USP6NL: variants seen among roughly 807,000 people sequenced by gnomAD.
USP6NL encodes the protein USP6 N-terminal-like protein.
Under a neutral mutation model 61.9 loss-of-function variants are expected in USP6NL, and 26 were observed. The observed-to-expected ratio is 0.42, with a 90% CI of 0.31 to 0.58. The LOEUF is 0.58. USP6NL is among the 20% of genes least tolerant of loss of function. The probability of loss-of-function intolerance (pLI) is 0.16; values close to 1 mark genes in which losing one functional copy is unlikely to be tolerated. For synonymous variants in USP6NL, 432 were observed against 390.1 expected, an observed-to-expected ratio of 1.11 and a Z score of -1.27; for missense variants, 1,114 against 1,034.3, an observed-to-expected ratio of 1.08 and a Z score of -1.06.
chr10:11,535,458 C>T (rs978554073), intron 2 of USP6NL, among the ~76,000 whole-genome samples: 1 of 152,110 alleles, frequency 6.6e-6, no homozygotes, highest in Admixed American at 6.6e-5. Flanking sequence ...GCAATGATGA[C>T]CAAAGGCAAG....
In USP6NL at chr10:11,562,444, C is replaced by A. The variant is rs745896709; in HGVS notation, c.5-34877G>T. The A allele has an allele frequency of 1.4e-4, 138 of 985,202 alleles. No individual in the cohort carries two copies. Among genetic ancestry groups the A allele is most frequent in the Non-Finnish European group, 1.6e-4 (136 of 829,928 alleles). The allele number at this position is 985,202 out of a possible 1,614,324, so 61.0% of individuals were successfully genotyped here. ...GCTCTTGGACCTAAGGATGAAGACG[C>A]AGCAGTCATCACGTATCTCTGAGGA... On this transcript the variant is annotated intron_variant, in intron 2 of 14. Transcript: ENST00000609104. This position sits in a 1 kb window ranked among gnomAD's most constrained non-coding sequence, Gnocchi z 4.8.
At position 11,489,544 on chromosome 10, in the gene USP6NL, T is replaced by C. The variant is rs1245156720; in HGVS notation, c.544-322A>G. On this transcript the variant is annotated intron_variant, in intron 9 of 14. Transcript: ENST00000609104. This position sits in a 1 kb window ranked among gnomAD's most constrained non-coding sequence, Gnocchi z 5.7. ...GATTCTTAGCTCACTATTCCTCTTC[T>C]TTGCTCAGTTGCTGGCAAAGTCTCC... Among the ~76,000 whole-genome samples the C allele has an allele frequency of 6.6e-6, 1 of 152,232 alleles. No individual in the cohort carries two copies. The highest frequency in any genetic ancestry group is 6.5e-5 in the Admixed American group (1 of 15,288).
At chr10:11,536,098 T>C (rs752856554) in intron 2 of USP6NL, among the ~76,000 whole-genome samples, 4 of 152,230 alleles carry the variant, frequency 2.6e-5, no homozygotes, top group Non-Finnish European at 4.4e-5. Context: ...TTATTTTGAC[T>C]GGTCACTCTG....
At chr10:11,466,750 C>T (rs1303969746) in intron 14 of USP6NL, among the ~76,000 whole-genome samples, 1 of 152,166 alleles carries the variant, frequency 6.6e-6, no homozygotes, top group East Asian at 1.9e-4. Context: ...GCCTACTGCA[C>T]ACCGAGGCTC....
intron 1 of USP6NL, among the ~76,000 whole-genome samples, chr10:11,604,949 A>G (rs1371517556): frequency 6.6e-6 from 1 of 152,222 alleles, no homozygotes; most frequent in Admixed American, 6.5e-5. Context: ...GTGAAACTGC[A>G]GATAAGGAGG....
rs535243148 is a variant in USP6NL at position 11,595,512 on chromosome 10, G to C, written c.4+2119C>G. Among the ~76,000 whole-genome samples the C allele has an allele frequency of 1.3e-5, 2 of 152,162 alleles. No individual in the cohort carries two copies. The highest frequency in any genetic ancestry group is 2.9e-5 in the Non-Finnish European group (2 of 68,030). On this transcript the variant is annotated intron_variant, in intron 2 of 14. Coordinates refer to ENST00000609104, the MANE Select transcript of USP6NL (RefSeq NM_014688.5). The surrounding 1 kb of genome is among the most constrained non-coding windows in gnomAD (Gnocchi z 5.3). ...CCTAATGCCAGCTGACTCAGTGACTGAATCTGTGATGTTCTCAACGTCACC... is the reference window on the plus strand; with the variant it reads ...CCTAATGCCAGCTGACTCAGTGACTCAATCTGTGATGTTCTCAACGTCACC...
At chr10:11,488,217 G>A (rs1399986664) in intron 10 of USP6NL, among the ~76,000 whole-genome samples, 2 of 152,180 alleles carry the variant, frequency 1.3e-5, no homozygotes, top group South Asian at 2.1e-4. Context: ...ACTGAGACCA[G>A]CCTACTCAAC....
At position 11,562,490 on chromosome 10, in the gene USP6NL, G is replaced by T; in HGVS notation, c.5-34923C>A. 1 of 985,406 alleles carries T rather than the reference G, an allele frequency of 1.0e-6. No homozygotes were observed. Among genetic ancestry groups the T allele is most frequent in the Non-Finnish European group, 1.2e-6 (1 of 829,930 alleles). The allele number at this position is 985,406 out of a possible 1,614,324, so 61.0% of individuals were successfully genotyped here. A position where few individuals can be genotyped will look rare whatever the true frequency, so the allele number is the denominator to read the frequency against. On this transcript the variant is annotated intron_variant, in intron 2 of 14. Coordinates refer to ENST00000609104, the MANE Select transcript of USP6NL (RefSeq NM_014688.5). The surrounding 1 kb of genome is among the most constrained non-coding windows in gnomAD (Gnocchi z 4.8). ...GAGGACAAGGATTAAGTGTGGCTGA[G>T]GAGAAACGTGAAAAGAGCCGGGTCA...
In USP6NL at chr10:11,474,733, T is replaced by C. The variant is rs1381933530; in HGVS notation, c.1078+7037A>G. Among the ~76,000 whole-genome samples, 1 of 152,200 alleles carries C rather than the reference T, an allele frequency of 6.6e-6. No homozygotes were observed. Among genetic ancestry groups the C allele is most frequent in the Admixed American group, 6.5e-5 (1 of 15,286 alleles). ...AAAAAAACTTGCATCAACAAATGAC[T>C]ACTGCAAAGGGCTGCTGGAAAAAAT... On this transcript the variant is annotated intron_variant, in intron 14 of 14. Coordinates refer to ENST00000609104, the MANE Select transcript of USP6NL (RefSeq NM_014688.5). This position sits in a 1 kb window ranked among gnomAD's most constrained non-coding sequence, Gnocchi z 4.9.
At position 11,560,702 on chromosome 10, in the gene USP6NL, A is replaced by AATATATATATATTATATATAT. The variant is rs1429541946; in HGVS notation, c.5-33156_5-33136dup. ...AAAAAAAGGCCTCCAAACAGTAAAA[A>AATATATATATATTATATATAT]ATATATATATATTATATATATATAT... On this transcript the variant is annotated intron_variant, in intron 2 of 14. Coordinates refer to ENST00000609104, the MANE Select transcript of USP6NL (RefSeq NM_014688.5). Among the ~76,000 whole-genome samples the AATATATATATATTATATATAT allele has an allele frequency of 1.1e-4, 13 of 122,608 alleles. No individual in the cohort carries two copies. The South Asian group carries it at 4.2e-3, about 40-fold the overall frequency. 80.4% of individuals were successfully genotyped at this position (122,608 alleles called of 152,430 possible).
intron 2 of USP6NL, among the ~76,000 whole-genome samples, chr10:11,582,860 T>TA (rs934691460): frequency 4.0e-5 from 6 of 151,318 alleles, no homozygotes; most frequent in African/African-American, 1.5e-4. Context: ...GAGAAATTCT[T>TA]AATCTACTGA....
Position 11,548,515 on chromosome 10 carries a change from T to G in USP6NL, c.5-20948A>C, listed in dbSNP as rs1347804545. ...GTCCATGACTATCCTATAAAGATCT[T>G]TGTAAATCTTAATTTCATAACCTTA... On this transcript the variant is annotated intron_variant, in intron 2 of 14. Coordinates refer to ENST00000609104, the MANE Select transcript of USP6NL (RefSeq NM_014688.5). The surrounding 1 kb of genome is among the most constrained non-coding windows in gnomAD (Gnocchi z 4.3). Among the ~76,000 whole-genome samples the G allele has an allele frequency of 1.3e-5, 2 of 152,212 alleles. No individual in the cohort carries two copies. The highest frequency in any genetic ancestry group is 2.9e-5 in the Non-Finnish European group (2 of 68,028).
chr10:11,463,571 G>A lies in USP6NL; in HGVS notation c.1357C>T (p.Leu453Phe), dbSNP rs1477874141. ...GAACTGTCCTGTGGACCCGATGGGA[G>A]TTTTCTTTGAAAATCTGCCTCATCT... ...LKDEADFQRK[L>F]PSGPQDSSRQ... Residue 453 changes from leucine to phenylalanine, a missense_variant, in exon 15 of 15, where the codon CTC (leucine) becomes TTC (phenylalanine). Physicochemically the swap from Leu to Phe is conservative, Grantham distance 22. Coordinates refer to ENST00000609104, the MANE Select transcript of USP6NL (RefSeq NM_014688.5). This position sits in a 1 kb window ranked among gnomAD's most constrained non-coding sequence, Gnocchi z 6.3. 6.2e-7 allele frequency: 1 copy of A among 1,614,044 alleles called. No homozygotes were observed. The highest frequency in any genetic ancestry group is 8.5e-7 in the Non-Finnish European group (1 of 1,179,900).
intron 10 of USP6NL, among the ~76,000 whole-genome samples, chr10:11,486,375 C>CT (rs1833471361): frequency 6.6e-6 from 1 of 152,046 alleles, no homozygotes; most frequent in Non-Finnish European, 1.5e-5. Context: ...TTTTAAATCG[C>CT]TTTTTAATCC....
At position 11,463,113 on chromosome 10, in the gene USP6NL, A is replaced by G. The variant is rs1225480632; in HGVS notation, c.1815T>C (p.Phe605=). The G allele has an allele frequency of 6.2e-7, 1 of 1,613,902 alleles. No homozygotes were observed. The highest frequency in any genetic ancestry group is 1.3e-5 in the African/African-American group (1 of 74,922). The part of the protein sequence containing the change: ...SPSKVSNKFT[F]KVQPPSHARY... ...GTGCATGACTTGGAGGCTGTACTTT[A>G]AAAGTAAACTTGTTGGATACTTTTG... Residue 605 remains phenylalanine, a synonymous_variant, in exon 15 of 15, where the codon TTT becomes TTC. Transcript: ENST00000609104. This position sits in a 1 kb window ranked among gnomAD's most constrained non-coding sequence, Gnocchi z 6.3.
intron 3 of USP6NL, among the ~76,000 whole-genome samples, chr10:11,526,519 T>C (rs1401996717): frequency 1.3e-5 from 2 of 152,236 alleles, no homozygotes; most frequent in Non-Finnish European, 2.9e-5. Flanking sequence ...ACTGAGTTTT[T>C]CATGGACTAC....
At chr10:11,519,274 A>G (rs1425640563) in intron 4 of USP6NL, among the ~76,000 whole-genome samples, 3 of 152,234 alleles carry the variant, frequency 2.0e-5, no homozygotes, top group African/African-American at 7.2e-5. Flanking sequence ...AAAAAATAGC[A>G]TAAGGAAAAA....
chr10:11,469,325 G>A (rs765950744), intron 14 of USP6NL, among the ~76,000 whole-genome samples: 14 of 152,094 alleles, frequency 9.2e-5, no homozygotes, highest in African/African-American at 2.7e-4. Context: ...GACAATGTTC[G>A]TTCACTCAAC....
In USP6NL at chr10:11,602,977, T is replaced by A. The variant is rs541832211; in HGVS notation, c.-83-5260A>T. 1.3e-5 allele frequency among the ~76,000 whole-genome samples: 2 copies of A among 152,328 alleles called. No individual in the cohort carries two copies. The highest frequency in any genetic ancestry group is 3.9e-4 in the East Asian group (2 of 5,192). On this transcript the variant is annotated intron_variant, in intron 1 of 14. Transcript: ENST00000609104. The surrounding 1 kb of genome is among the most constrained non-coding windows in gnomAD (Gnocchi z 4.8). ...TGCTGCAACCCCGTGAAACATAACG[T>A]CACATTTCTACAGCTTTAAGTATTT...
Sources: allele counts gnomAD v4.1 joint callset (sites outside exome capture counted in the v4.1 genomes callset), GRCh38; gene constraint gnomAD v4.1.1; non-coding constraint Gnocchi (gnomAD v3.1); transcripts MANE v1.5; gene names NCBI Gene and HGNC (gene_info 2026-07-23, HGNC 2026-07-21).